The following KSR2 variants were observed in gnomAD, a reference collection of about 807,000 sequenced individuals.
KSR2 encodes kinase suppressor of ras 2.
KSR2 carries 25 observed loss-of-function variants against 107.8 expected under a neutral mutation model. That is an observed-to-expected ratio of 0.23 (90% confidence interval 0.17 to 0.32). The LOEUF (loss-of-function observed/expected upper bound fraction) is 0.32. Among genes scored for constraint, KSR2 ranks in the 10% least tolerant of loss-of-function variants. The pLI is 1.00. For missense variants in KSR2, 887 were observed against 1,268.9 expected, an observed-to-expected ratio of 0.70 and a Z score of 4.57; for synonymous variants, 480 against 507.0, an observed-to-expected ratio of 0.95 and a Z score of 0.71.
intron 1 of KSR2, among the ~76,000 whole-genome samples, chr12:117,931,693 T>G (rs1193793513): frequency 6.6e-6 from 1 of 152,108 alleles, no homozygotes. Context: ...GCCCAAACCA[T>G]AGGAACAATA....
At position 117,669,326 on chromosome 12, in the gene KSR2, A is replaced by C. The variant is rs533266506; in HGVS notation, c.987-1668T>G. 2.3e-3 allele frequency among the ~76,000 whole-genome samples: 350 copies of C among 152,308 alleles called. 1 individual carries two copies. The highest frequency in any genetic ancestry group is 7.9e-3 in the African/African-American group (328 of 41,556). On this transcript the variant is annotated intron_variant, in intron 4 of 19. Coordinates refer to ENST00000339824, the MANE Select transcript of KSR2 (RefSeq NM_173598.6). ...TGGCAAAATTTGATACTATCAAAAA[A>C]AGTGCAATGTATACTGAAGGCTGAG...
intron 5 of KSR2, among the ~76,000 whole-genome samples, chr12:117,639,629 G>GTATTATTATTAT (rs5801245): frequency 0.087 from 12,006 of 137,714 alleles, 600 homozygotes; most frequent in East Asian, 0.12. Context: ...CGCACCCAGC[G>GTATTATTATTAT]TATTATTATT....
At chr12:117,695,888 T>C (rs987891209) in intron 4 of KSR2, among the ~76,000 whole-genome samples, 1 of 151,828 alleles carries the variant, frequency 6.6e-6, no homozygotes, top group Non-Finnish European at 1.5e-5. Flanking sequence ...AAAGAGAGGG[T>C]CACCAAGACC....
At chr12:117,675,557 C>T (rs1477822099) in intron 4 of KSR2, among the ~76,000 whole-genome samples, 1 of 152,192 alleles carries the variant, frequency 6.6e-6, no homozygotes, top group African/African-American at 2.4e-5. Context: ...TACCCTTTTG[C>T]CAGCCCACCT....
At chr12:117,697,417 T>C in intron 4 of KSR2, among the ~76,000 whole-genome samples, 1 of 152,158 alleles carries the variant, frequency 6.6e-6, no homozygotes, top group East Asian at 1.9e-4. Context: ...TGCTTAGAAA[T>C]ATGCATTTTC....
intron 5 of KSR2, among the ~76,000 whole-genome samples, chr12:117,588,537 G>T (rs1880138946): frequency 6.6e-6 from 1 of 152,202 alleles, no homozygotes; most frequent in African/African-American, 2.4e-5. Flanking sequence ...ATGGACAAAT[G>T]AATGAATGAA....
chr12:117,719,926 C>T (rs1403720108), intron 4 of KSR2, among the ~76,000 whole-genome samples: 1 of 152,048 alleles, frequency 6.6e-6, no homozygotes, highest in African/African-American at 2.4e-5. Flanking sequence ...TTCTCCTTAC[C>T]CTCAATGTCT....
rs539129916 is a variant in KSR2, at chr12:117,533,658, C to T, written c.1688-1951G>A. 4.7e-4 allele frequency among the ~76,000 whole-genome samples: 71 copies of T among 152,286 alleles called. No individual in the cohort carries two copies. In the South Asian group the frequency reaches 7.1e-3, roughly 15 times the overall value. On this transcript the variant is annotated intron_variant, in intron 10 of 19. Coordinates refer to ENST00000339824, the MANE Select transcript of KSR2 (RefSeq NM_173598.6). ...GGGGCTAAAATTAAAACAGGAAAGA[C>T]GACCCGAGGCTCTCAAGAGACTTGG...
At chr12:117,891,564 T>A (rs1209553927) in intron 1 of KSR2, among the ~76,000 whole-genome samples, 1 of 151,940 alleles carries the variant, frequency 6.6e-6, no homozygotes, top group Non-Finnish European at 1.5e-5. Flanking sequence ...AGAATGAGAC[T>A]CCATTTCTAT....
At chr12:117,614,783 T>C (rs1203351997) in intron 5 of KSR2, among the ~76,000 whole-genome samples, 5 of 152,236 alleles carry the variant, frequency 3.3e-5, no homozygotes, top group Non-Finnish European at 7.3e-5. Flanking sequence ...AGTGTTTAAC[T>C]AATGTTTGTT....
At chr12:117,694,845 C>CTTTTTTTTTTT (rs34228762) in intron 4 of KSR2, among the ~76,000 whole-genome samples, 2 of 99,096 alleles carry the variant, frequency 2.0e-5, no homozygotes, top group Admixed American at 1.3e-4. Flanking sequence ...TTGTATGATT[C>CTTTTTTTTTTT]TTTTTTTTTT....
chr12:117,594,800 G>A (rs1880536954), intron 5 of KSR2, among the ~76,000 whole-genome samples: 1 of 152,188 alleles, frequency 6.6e-6, no homozygotes, highest in Non-Finnish European at 1.5e-5. Flanking sequence ...TTGATCCCTA[G>A]GGGACATTTG....
intron 1 of KSR2, among the ~76,000 whole-genome samples, chr12:117,896,661 C>T (rs1894521227): frequency 6.6e-6 from 1 of 151,988 alleles, no homozygotes; most frequent in Non-Finnish European, 1.5e-5. Context: ...GGTTTCACCA[C>T]ATTGGCCAGG....
intron 4 of KSR2, among the ~76,000 whole-genome samples, chr12:117,740,310 T>C (rs1888125092): frequency 1.5e-5 from 2 of 136,932 alleles, no homozygotes; most frequent in African/African-American, 2.6e-5. Flanking sequence ...ATATAATATA[T>C]ATATACACAT....
Position 117,484,273 on chromosome 12 carries a change from CATCAGT to C in KSR2, c.2450+137_2450+142del. The C allele has an allele frequency of 6.8e-6, 6 of 878,320 alleles. No individual in the cohort carries two copies. In the East Asian group the frequency reaches 1.7e-4, roughly 25 times the overall value. 54.4% of individuals were successfully genotyped at this position (878,320 alleles called of 1,614,324 possible). A position where few individuals can be genotyped will look rare whatever the true frequency, so the allele number is the denominator to read the frequency against. ...AACAGAGCAGGGCCTTGGCATCCCACATCAGTAGAGCAGCTGCCCCACTCAGCTCAG... is the reference window on the plus strand; with the variant it reads ...AACAGAGCAGGGCCTTGGCATCCCACAGAGCAGCTGCCCCACTCAGCTCAG... On this transcript the variant is annotated intron_variant, in intron 16 of 19. Coordinates refer to ENST00000339824, the MANE Select transcript of KSR2 (RefSeq NM_173598.6).
rs770582158 is a variant in KSR2, at chr12:117,737,333, G to A, written c.986+23678C>T. Among the ~76,000 whole-genome samples the A allele has an allele frequency of 1.9e-3, 286 of 151,826 alleles. 6 individuals are homozygous for A. Among genetic ancestry groups the A allele is most frequent in the Middle Eastern group, 6.8e-3 (2 of 294 alleles). ...AGCCTCAAAGAGTATGTTTATGTAA[G>A]ATTAAATGAGTGCTGGCAGCACACT... On this transcript the variant is annotated intron_variant, in intron 4 of 19. Transcript: ENST00000339824.
chr12:117,791,152 G>C (rs1223202896), intron 3 of KSR2, among the ~76,000 whole-genome samples: 4 of 151,952 alleles, frequency 2.6e-5, no homozygotes, highest in African/African-American at 9.7e-5. Flanking sequence ...CTGCCACACT[G>C]ATCTTCCTTC....
At position 117,855,464 on chromosome 12, in the gene KSR2, C is replaced by T. The variant is rs1243541251; in HGVS notation, c.436G>A (p.Ala146Thr). Residue 146 changes from alanine to threonine, a missense_variant, in exon 3 of 20, where the codon GCC (alanine) becomes ACC (threonine). Around this residue, in one of 8 missense-constraint regions of KSR2, gnomAD observed 399 missense variants for 479.5 expected, o/e 0.83. Transcript: ENST00000339824. ...ANREECARLN[A>T]SLSCLRNVHM... ...ACATTCCTGAGGCAGGAGAGGGAGGCGTTGAGGCGGGCACACTCCTCCCGG... is the reference window on the plus strand; with the variant it reads ...ACATTCCTGAGGCAGGAGAGGGAGGTGTTGAGGCGGGCACACTCCTCCCGG... 3 of 1,613,870 alleles carry T rather than the reference C, an allele frequency of 1.9e-6. No homozygotes were observed. Among genetic ancestry groups the T allele is most frequent in the Non-Finnish European group, 2.5e-6 (3 of 1,179,894 alleles).
chr12:117,593,069 C>T (rs1209123105), intron 5 of KSR2, among the ~76,000 whole-genome samples: 1 of 152,102 alleles, frequency 6.6e-6, no homozygotes, highest in Non-Finnish European at 1.5e-5. Context: ...AGGAGAGCAG[C>T]CCTGAGCATG....
Sources: gnomAD v4.1 joint callset for allele counts (sites outside exome capture counted in the v4.1 genomes callset) on GRCh38, gnomAD v4.1.1 for gene constraint, gnomAD v4.1.1 regional missense constraint, MANE v1.5 for transcripts, NCBI Gene and HGNC (gene_info 2026-07-23, HGNC 2026-07-21) for gene names.